The following PPARGC1A variants were observed in gnomAD, a reference collection of about 807,000 sequenced individuals.
The protein encoded by PPARGC1A is peroxisome proliferator-activated receptor gamma coactivator 1-alpha.
In PPARGC1A, 25 loss-of-function variants were observed where a neutral mutation model predicts 88.7. The observed-to-expected ratio is 0.28, with a 90% confidence interval of 0.21 to 0.39. The LOEUF (loss-of-function observed/expected upper bound fraction) is 0.39, where lower values mean the gene tolerates loss of function less well. Among genes scored for constraint, PPARGC1A ranks in the 10% least tolerant of loss-of-function variants. The pLI is 1.00. For synonymous variants in PPARGC1A, 363 were observed against 355.6 expected (o/e 1.02, Z -0.24); for missense variants, 880 against 968.7 (o/e 0.91, Z 1.22).
At chr4:24,145,518 G>A in the PPARGC1A span, among the ~76,000 whole-genome samples, 1 of 152,114 alleles carries the variant, frequency 6.6e-6, no homozygotes, top group African/African-American at 2.4e-5. Flanking sequence ...TTTGTTTTCT[G>A]TAAAACTCTG....
the PPARGC1A span, among the ~76,000 whole-genome samples, chr4:23,982,289 C>T: frequency 6.6e-6 from 1 of 152,196 alleles, no homozygotes; most frequent in Non-Finnish European, 1.5e-5. Flanking sequence ...GGCTGAAATG[C>T]TGTCCATTCC....
At chr4:24,340,679 G>A in the PPARGC1A span, among the ~76,000 whole-genome samples, 1 of 152,022 alleles carries the variant, frequency 6.6e-6, no homozygotes, top group Admixed American at 6.5e-5. Context: ...TGCCATGATG[G>A]CAGATTTTTT....
At chr4:24,240,438 C>T in the PPARGC1A span, among the ~76,000 whole-genome samples, 2 of 152,200 alleles carry the variant, frequency 1.3e-5, no homozygotes, top group Non-Finnish European at 2.9e-5. Context: ...CTCCCTGCTT[C>T]TACAGCTGTT....
chr4:24,351,392 T>A, the PPARGC1A span, among the ~76,000 whole-genome samples: 52 of 109,080 alleles, frequency 4.8e-4, no homozygotes, highest in African/African-American at 1.6e-3. Flanking sequence ...AGATCCTGTC[T>A]CAAAAAAAAA....
the PPARGC1A span, among the ~76,000 whole-genome samples, chr4:24,443,609 G>A: frequency 6.6e-6 from 1 of 151,956 alleles, no homozygotes; most frequent in East Asian, 1.9e-4. Flanking sequence ...AGGCTGAAGT[G>A]CAGTGTCAAA....
chr4:23,906,202 C>T (rs1224183588), upstream of PPARGC1A, among the ~76,000 whole-genome samples: 1 of 152,192 alleles, frequency 6.6e-6, no homozygotes, highest in Non-Finnish European at 1.5e-5. Flanking sequence ...AGAAGAAACA[C>T]TTATTATAAT....
At chr4:24,429,207 G>A in the PPARGC1A span, among the ~76,000 whole-genome samples, 2 of 152,050 alleles carry the variant, frequency 1.3e-5, no homozygotes, top group East Asian at 1.9e-4. Context: ...CAAAGAACTC[G>A]TGTCTATTTT....
At chr4:23,928,267 G>T in the PPARGC1A span, among the ~76,000 whole-genome samples, 3 of 152,154 alleles carry the variant, frequency 2.0e-5, no homozygotes, top group Non-Finnish European at 4.4e-5. Context: ...AATGGAGGCA[G>T]CGAAATTATA....
the PPARGC1A span, among the ~76,000 whole-genome samples, chr4:24,035,140 G>A: frequency 6.6e-6 from 1 of 152,174 alleles, no homozygotes; most frequent in Non-Finnish European, 1.5e-5. Context: ...AACACTTGTT[G>A]AAACTAACAG....
chr4:24,362,682 G>C, the PPARGC1A span, among the ~76,000 whole-genome samples: 1 of 152,172 alleles, frequency 6.6e-6, no homozygotes, highest in Non-Finnish European at 1.5e-5. Context: ...TCTAGAGGTT[G>C]TTTGCAAGTC....
chr4:24,001,494 T>C, the PPARGC1A span, among the ~76,000 whole-genome samples: 3 of 152,164 alleles, frequency 2.0e-5, no homozygotes, highest in Non-Finnish European at 2.9e-5. Context: ...TGATCCATTG[T>C]GTAAAAACAT....
At chr4:24,277,149 G>T in the PPARGC1A span, among the ~76,000 whole-genome samples, 1 of 152,082 alleles carries the variant, frequency 6.6e-6, no homozygotes, top group Admixed American at 6.5e-5. Context: ...CTGGAGTGCA[G>T]TGGTGTGCTC....
the PPARGC1A span, among the ~76,000 whole-genome samples, chr4:24,367,365 A>T: frequency 1.3e-5 from 2 of 152,230 alleles, no homozygotes; most frequent in Non-Finnish European, 2.9e-5. Flanking sequence ...GCAGACACAG[A>T]AAGAAAACTT....
chr4:23,965,754 A>G, the PPARGC1A span, among the ~76,000 whole-genome samples: 2 of 152,050 alleles, frequency 1.3e-5, no homozygotes, highest in Non-Finnish European at 2.9e-5. Context: ...CTGATTCCCA[A>G]CCCACTCCTT....
At chr4:24,383,815 C>T in the PPARGC1A span, among the ~76,000 whole-genome samples, 1 of 152,148 alleles carries the variant, frequency 6.6e-6, no homozygotes, top group South Asian at 2.1e-4. Context: ...CAGATATTAT[C>T]CAGGGGAACT....
rs911233947 is a variant in PPARGC1A, at chr4:23,890,035, C to CCAG, written c.-81_-79dup. On this transcript the variant is annotated 5_prime_UTR_variant, in exon 1 of 13. Transcript: ENST00000264867. ...ACAGAGCACACACTCATGCAGGCAA[C>CCAG]CAGCCCCTTACTGAGAGTGAACTGA... 2.5e-6 allele frequency: 4 copies of CCAG among 1,596,806 alleles called. No homozygotes were observed. In the African/African-American group the frequency reaches 5.4e-5, roughly 21 times the overall value.
At chr4:23,926,407 C>G in the PPARGC1A span, among the ~76,000 whole-genome samples, 1 of 152,184 alleles carries the variant, frequency 6.6e-6, no homozygotes, top group Admixed American at 6.5e-5. Context: ...ATTCTTAAGT[C>G]TCTTCCTTCC....
At chr4:24,267,556 G>T in the PPARGC1A span, among the ~76,000 whole-genome samples, 2 of 152,190 alleles carry the variant, frequency 1.3e-5, no homozygotes, top group Non-Finnish European at 2.9e-5. Context: ...TCTGGCAATT[G>T]TTTCAGCCTC....
At chr4:24,280,395 T>TA in the PPARGC1A span, among the ~76,000 whole-genome samples, 1 of 152,128 alleles carries the variant, frequency 6.6e-6, no homozygotes, top group Admixed American at 6.5e-5. Context: ...TTCTCAGAAA[T>TA]ATGCTGTGAC....
Sources: allele counts gnomAD v4.1 joint callset (sites outside exome capture counted in the v4.1 genomes callset), GRCh38; gene constraint gnomAD v4.1.1; transcripts MANE v1.5; gene names NCBI Gene and HGNC (gene_info 2026-07-23, HGNC 2026-07-21).